The following PLB1 variants were observed in gnomAD, a reference collection of about 807,000 sequenced individuals.
PLB1 encodes the protein phospholipase B1, membrane-associated.
In PLB1, 242 loss-of-function variants were observed where a neutral mutation model predicts 227.4. The ratio of observed to expected loss-of-function variants is 1.06; its 90% CI spans 0.96 to 1.18. The LOEUF is 1.18. Ranked by LOEUF, PLB1 falls within the 50% of genes most tolerant of loss-of-function variation. PLB1 has a pLI of 0.00. For synonymous variants in PLB1, 757 were observed against 682.2 expected (o/e 1.11, Z -1.71); for missense variants, 1,858 against 1,816.3 (o/e 1.02, Z -0.42).
intron 4 of PLB1, among the ~76,000 whole-genome samples, chr2:28,522,191 C>G (rs1260322564): frequency 2.6e-5 from 4 of 151,854 alleles, no homozygotes; most frequent in Admixed American, 1.3e-4. Context: ...CTGGCCAGAC[C>G]TAGAACTTCA....
rs1036123366 is a variant in PLB1, at chr2:28,552,910, C to T, written c.1084-18C>T. ...AGAAAAATCCATTTTCCTTATTTCC[C>T]TGTGTGTCTCATTTCAGGTAAGAGA... On this transcript the variant is annotated intron_variant, in intron 16 of 57. Coordinates refer to ENST00000327757, the MANE Select transcript of PLB1 (RefSeq NM_153021.5). 19 of 1,611,690 alleles carry T rather than the reference C, an allele frequency of 1.2e-5. No individual in the cohort carries two copies. The highest frequency in any genetic ancestry group is 8.5e-6 in the Non-Finnish European group (10 of 1,178,004).
chr2:28,635,993 G>A (rs372151777), intron 56 of PLB1, among the ~76,000 whole-genome samples: 26 of 150,782 alleles, frequency 1.7e-4, no homozygotes, highest in African/African-American at 5.1e-4. Context: ...TTGTGTATGT[G>A]TGTATGTATG....
intron 7 of PLB1, 67 bp from the exon 8 acceptor site, chr2:28,529,661 G>T: frequency 6.7e-7 from 1 of 1,498,852 alleles, no homozygotes; most frequent in Non-Finnish European, 9.3e-7. Flanking sequence ...ATGGCAAGGG[G>T]CAAGCTTCCA....
chr2:28,537,110 C>T (rs1671790785), intron 9 of PLB1, among the ~76,000 whole-genome samples: 1 of 152,134 alleles, frequency 6.6e-6, no homozygotes, highest in South Asian at 2.1e-4. Flanking sequence ...CGGTAACAGA[C>T]CTGGCTGACC....
chr2:28,642,899 CCCAGA>C lies in PLB1; in HGVS notation c.4220_4224del (p.Asp1407GlyfsTer2). 6.2e-7 allele frequency: 1 copy of C among 1,608,340 alleles called. No individual in the cohort carries two copies. The highest frequency in any genetic ancestry group is 8.5e-7 in the Non-Finnish European group (1 of 1,177,334). ...ACACCCTGCGGAACAGCCGATTGCT[CCCAGA>C]CCAGGCTGAAGAAGCCCCCGAGGTG... On this transcript the variant is annotated frameshift_variant, in exon 58 of 58. Transcript: ENST00000327757. LOFTEE classifies it low-confidence loss of function (END_TRUNC).
intron 43 of PLB1, among the ~76,000 whole-genome samples, chr2:28,609,829 C>T (rs1262793597): frequency 6.6e-6 from 1 of 152,214 alleles, no homozygotes; most frequent in Non-Finnish European, 1.5e-5. Flanking sequence ...ACCAGTCCTC[C>T]AGAATCTAAT....
intron 1 of PLB1, among the ~76,000 whole-genome samples, chr2:28,507,899 C>T (rs1667806074): frequency 6.6e-6 from 1 of 152,078 alleles, no homozygotes; most frequent in Non-Finnish European, 1.5e-5. Context: ...CTTTTCAAGC[C>T]ATCTCGAATG....
chr2:28,634,063 T>C (rs1294487627), intron 56 of PLB1, among the ~76,000 whole-genome samples: 1 of 152,182 alleles, frequency 6.6e-6, no homozygotes, highest in African/African-American at 2.4e-5. Flanking sequence ...TCCTCCTCTC[T>C]AGCAACCTCT....
intron 1 of PLB1, 85 bp downstream of exon 1, chr2:28,496,254 G>T: frequency 1.5e-6 from 2 of 1,334,058 alleles, no homozygotes; most frequent in South Asian, 2.5e-5. Flanking sequence ...TGTGTGAGAG[G>T]AGTGTGTGCT....
At chr2:28,637,333 C>T (rs72850501) in intron 56 of PLB1, among the ~76,000 whole-genome samples, 2,163 of 144,644 alleles carry the variant, frequency 0.015, 45 homozygotes, top group African/African-American at 0.052. Flanking sequence ...ACTTGAAAAA[C>T]AATATCAGTG....
At chr2:28,588,226 T>C (rs1681250742) in intron 26 of PLB1, among the ~76,000 whole-genome samples, 1 of 152,222 alleles carries the variant, frequency 6.6e-6, no homozygotes, top group South Asian at 2.1e-4. Context: ...ATGGTTCCAC[T>C]GTGAGCCCAT....
chr2:28,529,803 A>T, intron 8 of PLB1, 24 bp downstream of exon 8: 1 of 1,612,874 alleles, frequency 6.2e-7, no homozygotes. Context: ...CAACTCTGGC[A>T]TGGCTGGGCT....
At chr2:28,577,247 T>C (rs1679118258) in intron 21 of PLB1, among the ~76,000 whole-genome samples, 1 of 152,238 alleles carries the variant, frequency 6.6e-6, no homozygotes, top group Non-Finnish European at 1.5e-5. Context: ...GGTTCCCATC[T>C]ACTGGTCCCA....
At chr2:28,582,264 G>A (rs747652318) in intron 24 of PLB1, 131 bp downstream of exon 24, 3 of 1,222,506 alleles carry the variant, frequency 2.5e-6, no homozygotes, top group Middle Eastern at 2.2e-4. Context: ...CATAGAGGGG[G>A]AGCAGGGACG....
chr2:28,619,686 C>G (rs146974124), intron 46 of PLB1, among the ~76,000 whole-genome samples: 1 of 152,038 alleles, frequency 6.6e-6, no homozygotes, highest in African/African-American at 2.4e-5. Context: ...TGGGGTAGAC[C>G]AGCTCAAGGC....
chr2:28,547,785 G>A (rs1673526136), intron 14 of PLB1, among the ~76,000 whole-genome samples: 1 of 152,072 alleles, frequency 6.6e-6, no homozygotes, highest in Non-Finnish European at 1.5e-5. Flanking sequence ...ATCCCTCCAA[G>A]CTATTGCATT....
intron 12 of PLB1, 116 bp from the exon 13 acceptor site, chr2:28,541,591 C>A (rs11127163): frequency 0.92 from 655,048 of 712,306 alleles, 302,194 homozygotes; most frequent in East Asian, 0.99. Flanking sequence ...AGCACTTGAC[C>A]ACAACGCAAG....
intron 15 of PLB1, among the ~76,000 whole-genome samples, chr2:28,549,412 CTTTTTTTT>C (rs746205635): frequency 1.1e-5 from 1 of 87,276 alleles, no homozygotes; most frequent in Non-Finnish European, 2.0e-5. Context: ...GAGATTCTTT[CTTTTTTTT>C]TTTTTTTTTT....
chr2:28,605,592 A>ATGCTCT, intron 41 of PLB1, among the ~76,000 whole-genome samples: 1 of 152,324 alleles, frequency 6.6e-6, no homozygotes, highest in East Asian at 1.9e-4. Flanking sequence ...AATGTGCCCA[A>ATGCTCT]AAATAAATAC....
Sources: allele counts gnomAD v4.1 joint callset (sites outside exome capture counted in the v4.1 genomes callset), GRCh38; gene constraint gnomAD v4.1.1; transcripts MANE v1.5; gene names NCBI Gene and HGNC (gene_info 2026-07-23, HGNC 2026-07-21).